The following INTS7 variants were observed in gnomAD, a reference collection of about 807,000 sequenced individuals.
INTS7 encodes chromosome 1 open reading frame 73.
Under a neutral mutation model 109.2 loss-of-function variants are expected in INTS7, and 46 were observed. The observed-to-expected ratio is 0.42, with a 90% CI of 0.33 to 0.54. The LOEUF (loss-of-function observed/expected upper bound fraction) is 0.54. INTS7 is among the 20% of genes least tolerant of loss of function. INTS7 has a pLI of 0.07. For missense variants in INTS7, 929 were observed against 1,132.4 expected (o/e 0.82, Z 2.58); for synonymous variants, 412 against 402.9 (o/e 1.02, Z -0.27).
chr1:212,020,951 C>T lies in INTS7; in HGVS notation c.224+132G>A, dbSNP rs553315836. ...TTAAATCTCACACTGATGTGCTGCA[C>T]ACAGTCATGTGTGTCCACTAATGGT... On this transcript the variant is annotated intron_variant, in intron 2 of 19. Coordinates refer to ENST00000366994, the MANE Select transcript of INTS7 (RefSeq NM_015434.4). 171 of 822,750 alleles carry T rather than the reference C, an allele frequency of 2.1e-4. 1 individual carries two copies. In the South Asian group the frequency reaches 3.2e-3, roughly 15 times the overall value. The allele number at this position is 822,750 out of a possible 1,614,324, so 51.0% of individuals were successfully genotyped here.
At chr1:211,983,763 G>A (rs1664766209) in intron 8 of INTS7, among the ~76,000 whole-genome samples, 1 of 152,132 alleles carries the variant, frequency 6.6e-6, no homozygotes, top group African/African-American at 2.4e-5. Context: ...GGTGACATGG[G>A]ACCTATGGTC....
At chr1:212,020,817 G>C (rs112254930) in intron 2 of INTS7, 1 of 808,378 alleles carries the variant, frequency 1.2e-6, no homozygotes, top group African/African-American at 1.8e-5. Flanking sequence ...CAAAGACACA[G>C]ATTTTCCTGA....
Position 212,020,110 on chromosome 1 carries a change from T to C in INTS7, c.371+12A>G. 6.5e-7 allele frequency: 1 copy of C among 1,538,964 alleles called. No individual in the cohort carries two copies. Among genetic ancestry groups the C allele is most frequent in the Non-Finnish European group, 8.8e-7 (1 of 1,139,944 alleles). Reference sequence around the variant, plus strand: ...ATAATCTCATAGTGAATTATTATAATACGGTATATACCGGAGGGTGATGGC... The same window carrying C: ...ATAATCTCATAGTGAATTATTATAACACGGTATATACCGGAGGGTGATGGC... On this transcript the variant is annotated intron_variant, in intron 3 of 19. Coordinates refer to ENST00000366994, the MANE Select transcript of INTS7 (RefSeq NM_015434.4).
At chr1:211,954,867 C>T (rs1044741737) in intron 16 of INTS7, among the ~76,000 whole-genome samples, 1 of 152,144 alleles carries the variant, frequency 6.6e-6, no homozygotes, top group Non-Finnish European at 1.5e-5. Context: ...TTAGGATTGA[C>T]TTGGTGATGT....
chr1:212,029,122 A>T lies in INTS7; in HGVS notation c.94+6222T>A, dbSNP rs186237996. Among the ~76,000 whole-genome samples, 29 of 152,358 alleles carry T rather than the reference A, an allele frequency of 1.9e-4. No homozygotes were observed. The East Asian group carries it at 5.6e-3, about 29-fold the overall frequency. ...AAACTTGGGGTTTGGGATACACATT[A>T]ATCAAGTTTTCAAAACAGCACAAAT... On this transcript the variant is annotated intron_variant, in intron 1 of 19. Coordinates refer to ENST00000366994, the MANE Select transcript of INTS7 (RefSeq NM_015434.4).
chr1:211,995,271 GA>G (rs1665331124), intron 7 of INTS7, among the ~76,000 whole-genome samples: 1 of 152,158 alleles, frequency 6.6e-6, no homozygotes, highest in Admixed American at 6.5e-5. Flanking sequence ...ATAAAATAAT[GA>G]TGGAAGAAAT....
chr1:212,027,919 C>T (rs1021923973), intron 1 of INTS7, among the ~76,000 whole-genome samples: 6 of 152,130 alleles, frequency 3.9e-5, no homozygotes, highest in African/African-American at 1.4e-4. Context: ...CTCCGCCCCC[C>T]GGGTTCAAGT....
At chr1:212,015,117 C>T (rs1050932073) in intron 4 of INTS7, among the ~76,000 whole-genome samples, 15 of 149,894 alleles carry the variant, frequency 1.0e-4, no homozygotes, top group East Asian at 3.9e-4. Flanking sequence ...GCAGCCGCCC[C>T]GTCCGGGAGG....
At chr1:212,007,523 C>T (rs1571899466) in intron 5 of INTS7, 74 bp from the exon 6 acceptor site, 1 of 1,194,030 alleles carries the variant, frequency 8.4e-7, no homozygotes, top group Non-Finnish European at 1.2e-6. Flanking sequence ...AAAGCTGTGA[C>T]TCATTTAGCA....
chr1:211,962,260 T>TAAAAAAAAAAAAAAAA (rs35134976), intron 16 of INTS7, among the ~76,000 whole-genome samples: 28 of 79,318 alleles, frequency 3.5e-4, no homozygotes, highest in South Asian at 8.9e-4. Flanking sequence ...CAACAAAGAT[T>TAAAAAAAAAAAAAAAA]AAAAAAAAAA....
At chr1:211,977,342 T>C (rs1664465071) in intron 11 of INTS7, among the ~76,000 whole-genome samples, 1 of 152,236 alleles carries the variant, frequency 6.6e-6, no homozygotes, top group African/African-American at 2.4e-5. Flanking sequence ...TGTTTCATAA[T>C]TTAAGACAAT....
rs2102398586 is a variant in INTS7, at chr1:211,959,181, T to A, written c.2184-6480A>T. 6.6e-6 allele frequency among the ~76,000 whole-genome samples: 1 copy of A among 152,288 alleles called. No individual in the cohort carries two copies. The highest frequency in any genetic ancestry group is 2.1e-4 in the South Asian group (1 of 4,832). On this transcript the variant is annotated intron_variant, in intron 16 of 19. Transcript: ENST00000366994. The surrounding 1 kb of genome is among the most constrained non-coding windows in gnomAD (Gnocchi z 4.2). ...AATGCAGAGCCCAAAGGGTTTGGTG[T>A]GTGAGCATCTGTAGTGGAATACGGC...
chr1:212,018,866 A>G (rs953412670), intron 3 of INTS7, among the ~76,000 whole-genome samples: 12 of 152,220 alleles, frequency 7.9e-5, no homozygotes, highest in South Asian at 4.1e-4. Flanking sequence ...ATAATCATCT[A>G]TATACATATA....
chr1:212,008,895 C>A (rs1666049585), intron 5 of INTS7, among the ~76,000 whole-genome samples: 1 of 152,170 alleles, frequency 6.6e-6, no homozygotes, highest in Non-Finnish European at 1.5e-5. Context: ...CATGCCGATC[C>A]ATTTCCACTA....
In INTS7 at chr1:211,967,811, GAGGT is replaced by G. The variant is rs879762742; in HGVS notation, c.2114+63_2114+66del. 2.6e-4 allele frequency: 210 copies of G among 794,618 alleles called. 1 individual carries two copies. Among genetic ancestry groups the G allele is most frequent in the Middle Eastern group, 1.8e-3 (8 of 4,526 alleles). 49.2% of individuals were successfully genotyped at this position (794,618 alleles called of 1,614,324 possible). ...ATGTATTTTGTAGGTAAGCATATCTGAGGTAGTCCGTATTTAAAAGAATACTTCC... is the reference window on the plus strand; with the variant it reads ...ATGTATTTTGTAGGTAAGCATATCTGAGTCCGTATTTAAAAGAATACTTCC... On this transcript the variant is annotated intron_variant, in intron 15 of 19. Coordinates refer to ENST00000366994, the MANE Select transcript of INTS7 (RefSeq NM_015434.4).
intron 15 of INTS7, among the ~76,000 whole-genome samples, chr1:211,967,493 A>G (rs1488046800): frequency 6.6e-6 from 1 of 151,332 alleles, no homozygotes; most frequent in African/African-American, 2.4e-5. Context: ...ATGCTACTGA[A>G]GAGATCATTA....
intron 1 of INTS7, among the ~76,000 whole-genome samples, chr1:212,031,506 C>T (rs1667161813): frequency 6.6e-6 from 1 of 152,112 alleles, no homozygotes; most frequent in African/African-American, 2.4e-5. Context: ...TGGCCATCAG[C>T]CTACAACTTT....
chr1:211,966,522 A>C, intron 15 of INTS7, 24 bp from the exon 16 acceptor site: 1 of 1,504,962 alleles, frequency 6.6e-7, no homozygotes, highest in Non-Finnish European at 9.2e-7. Context: ...AAGGTTACAT[A>C]CGAAAATAGA....
At chr1:212,004,719 A>T (rs773181241) in intron 7 of INTS7, among the ~76,000 whole-genome samples, 1 of 152,240 alleles carries the variant, frequency 6.6e-6, no homozygotes, top group Non-Finnish European at 1.5e-5. Context: ...TATATAAAAA[A>T]TAACTATGAA....
Sources: allele counts gnomAD v4.1 joint callset (sites outside exome capture counted in the v4.1 genomes callset), GRCh38; gene constraint gnomAD v4.1.1; non-coding constraint Gnocchi (gnomAD v3.1); transcripts MANE v1.5; gene names NCBI Gene and HGNC (gene_info 2026-07-23, HGNC 2026-07-21).